Variants in PACRGL observed in about 807,000 individuals in gnomAD.
PACRGL encodes the protein parkin coregulated like, also known as PACRG-like protein.
A neutral mutation model predicts 34.5 loss-of-function variants in PACRGL; 38 were observed. That is an observed-to-expected ratio of 1.10 (90% CI 0.85 to 1.44). PACRGL has a LOEUF of 1.44. Among genes scored for constraint, PACRGL ranks in the 40% most tolerant of loss-of-function variants. The pLI is 0.00. For missense variants in PACRGL, 305 were observed against 281.4 expected (o/e 1.08, Z -0.60); for synonymous variants, 128 against 100.1 (o/e 1.28, Z -1.66).
At chr4:20,740,207 A>C (rs1264545368) in intron 8 of PACRGL, among the ~76,000 whole-genome samples, 1 of 152,156 alleles carries the variant, frequency 6.6e-6, no homozygotes, top group African/African-American at 2.4e-5. Flanking sequence ...AAGTCAGGCC[A>C]ACATTCAAAT....
At chr4:20,736,694 A>G (rs1351444685), downstream of PACRGL, among the ~76,000 whole-genome samples, 1 of 152,226 alleles carries the variant, frequency 6.6e-6, no homozygotes, top group Non-Finnish European at 1.5e-5. Context: ...GCTTTTAAGC[A>G]TGATACTTAC....
At chr4:20,723,632 A>G (rs962350702) in intron 7 of PACRGL, among the ~76,000 whole-genome samples, 15 of 152,172 alleles carry the variant, frequency 9.9e-5, no homozygotes, top group Non-Finnish European at 1.9e-4. Context: ...AAAAGACCAG[A>G]TTAACAGTTG....
rs2288308 is a variant in PACRGL, at chr4:20,729,424, T to C, written c.*2083T>C. 49,784 of 152,294 alleles carry C rather than the reference T, an allele frequency of 0.33. 8,597 individuals are homozygous for C. Among genetic ancestry groups the C allele is most frequent in the African/African-American group, 0.43 (17,955 of 41,400 alleles). The allele number at this position is 152,294 out of a possible 1,614,324, so 9.4% of individuals were successfully genotyped here. A position where few individuals can be genotyped will look rare whatever the true frequency, so the allele number is the denominator to read the frequency against. ...TAACATATTATGGAAAATTAAATGC[T>C]TATTAAAATAAGTTTTATTAGGCAT... On this transcript the variant is annotated 3_prime_UTR_variant, in exon 9 of 9. Coordinates refer to ENST00000503585, the MANE Select transcript of PACRGL (RefSeq NM_001258345.3).
chr4:20,746,014 A>G (rs534325219), intron 8 of PACRGL, among the ~76,000 whole-genome samples: 52 of 152,342 alleles, frequency 3.4e-4, no homozygotes, highest in Non-Finnish European at 6.0e-4. Flanking sequence ...TGACACAGCC[A>G]TCCCATTACT....
rs1409469738 is a variant in PACRGL at position 20,729,829 on chromosome 4, A to ATTACT, written c.*2491_*2495dup. On this transcript the variant is annotated 3_prime_UTR_variant, in exon 9 of 9. Coordinates refer to ENST00000503585, the MANE Select transcript of PACRGL (RefSeq NM_001258345.3). ...CCAATAAAACTATATGCCAGATTCT[A>ATTACT]TTACTTTTGAATATTCACAGAGTAT... is the stretch of plus-strand genomic sequence containing the variant. 4.6e-5 allele frequency: 17 copies of ATTACT among 365,746 alleles called. No individual in the cohort carries two copies. Among genetic ancestry groups the ATTACT allele is most frequent in the Non-Finnish European group, 4.9e-6 (1 of 204,728 alleles). The allele number at this position is 365,746 out of a possible 1,614,324, so 22.7% of individuals were successfully genotyped here.
downstream of PACRGL, among the ~76,000 whole-genome samples, chr4:20,754,828 A>G (rs1324253988): frequency 1.3e-5 from 2 of 152,094 alleles, no homozygotes; most frequent in East Asian, 1.9e-4. Context: ...GTGGAGCTCT[A>G]TCCAAGTTTT....
At chr4:20,764,998 A>G in the PACRGL span, among the ~76,000 whole-genome samples, 1 of 152,226 alleles carries the variant, frequency 6.6e-6, no homozygotes. Flanking sequence ...CATGAGGACA[A>G]TGAGCTTGGA....
At position 20,729,081 on chromosome 4, in the gene PACRGL, T is replaced by A. The variant is rs1045185182; in HGVS notation, c.*1740T>A. ...CTTGCTAATTTTGCTTGCTGTTTGT[T>A]CTTAGTAGACAGTGGGGTAGTCAAG... On this transcript the variant is annotated 3_prime_UTR_variant, in exon 9 of 9. Coordinates refer to ENST00000503585, the MANE Select transcript of PACRGL (RefSeq NM_001258345.3). 1 of 152,062 alleles carries A rather than the reference T, an allele frequency of 6.6e-6. No homozygotes were observed. The highest frequency in any genetic ancestry group is 1.5e-5 in the Non-Finnish European group (1 of 68,012). 9.4% of individuals were successfully genotyped at this position (152,062 alleles called of 1,614,324 possible). A position where few individuals can be genotyped will look rare whatever the true frequency, so the allele number is the denominator to read the frequency against.
chr4:20,730,114 G>T lies in PACRGL; in HGVS notation c.*2773G>T. 1.2e-6 allele frequency: 2 copies of T among 1,607,830 alleles called. No homozygotes were observed. Among genetic ancestry groups the T allele is most frequent in the Non-Finnish European group, 1.7e-6 (2 of 1,177,774 alleles). ...ACATTTTCAAAGAGCTGCATGGAGC[G>T]CATTATGTTTTCATCCTGTAAGGGA... On this transcript the variant is annotated 3_prime_UTR_variant, in exon 9 of 9. Coordinates refer to ENST00000503585, the MANE Select transcript of PACRGL (RefSeq NM_001258345.3).
chr4:20,734,805 G>A (rs192139659), downstream of PACRGL: 212 of 685,854 alleles, frequency 3.1e-4, 3 homozygotes, highest in Admixed American at 5.7e-3. Flanking sequence ...AACAAATGAT[G>A]TAAGTAAGGG....
At chr4:20,721,751 CAGTT>C (rs1409683096) in intron 7 of PACRGL, among the ~76,000 whole-genome samples, 7 of 152,144 alleles carry the variant, frequency 4.6e-5, no homozygotes, top group African/African-American at 7.2e-5. Context: ...GGGTGCCTCT[CAGTT>C]AGGCTACTCA....
rs956435416 is a variant in PACRGL at position 20,728,909 on chromosome 4, T to G, written c.*1568T>G. On this transcript the variant is annotated 3_prime_UTR_variant, in exon 9 of 9. Transcript: ENST00000503585. Reference sequence around the variant, plus strand: ...TTAGTAATGTGGCAACTTTACAGTTTTGGCTAAGATGATTAAAAATAATCT... The same window carrying G: ...TTAGTAATGTGGCAACTTTACAGTTGTGGCTAAGATGATTAAAAATAATCT... 8.7e-5 allele frequency: 12 copies of G among 137,308 alleles called. No homozygotes were observed. Among genetic ancestry groups the G allele is most frequent in the African/African-American group, 3.5e-4 (12 of 34,460 alleles). The allele number at this position is 137,308 out of a possible 1,614,324, so 8.5% of individuals were successfully genotyped here. A position where few individuals can be genotyped will look rare whatever the true frequency, so the allele number is the denominator to read the frequency against.
rs891441557 is a variant in PACRGL, at chr4:20,730,137, G to A, written c.*2796G>A. 8.1e-6 allele frequency: 13 copies of A among 1,603,162 alleles called. No homozygotes were observed. Among genetic ancestry groups the A allele is most frequent in the Admixed American group, 7.0e-5 (4 of 57,540 alleles). ...GCGCATTATGTTTTCATCCTGTAAG[G>A]GAGAAACACAGAGCGATTAAATTCA... is the stretch of plus-strand genomic sequence containing the variant. On this transcript the variant is annotated 3_prime_UTR_variant, in exon 9 of 9. Transcript: ENST00000503585.
the PACRGL span, among the ~76,000 whole-genome samples, chr4:20,762,307 C>T: frequency 6.6e-6 from 1 of 152,142 alleles, no homozygotes; most frequent in Non-Finnish European, 1.5e-5. Context: ...CCAAAGGCCC[C>T]ACCTCCTAAT....
chr4:20,734,986 C>A (rs1157476733), downstream of PACRGL, among the ~76,000 whole-genome samples: 2 of 152,104 alleles, frequency 1.3e-5, no homozygotes, highest in Admixed American at 1.3e-4. Context: ...CCAGTGCGTA[C>A]CCACACAGCT....
chr4:20,697,068 C>T (rs1296520917), upstream of PACRGL, among the ~76,000 whole-genome samples: 2 of 152,154 alleles, frequency 1.3e-5, no homozygotes, highest in African/African-American at 4.8e-5. Flanking sequence ...GACAATGCTA[C>T]CTTATATGCT....
intron 3 of PACRGL, among the ~76,000 whole-genome samples, chr4:20,707,020 A>C (rs1380025273): frequency 6.6e-6 from 1 of 152,228 alleles, no homozygotes; most frequent in Admixed American, 6.5e-5. Flanking sequence ...TGACTTAAAA[A>C]AAATTATCTA....
chr4:20,744,827 G>A (rs10084802), intron 8 of PACRGL, among the ~76,000 whole-genome samples: 53,673 of 151,950 alleles, frequency 0.35, 9,953 homozygotes, highest in African/African-American at 0.44. Context: ...GTGGACTTGT[G>A]TTGTTTGCCT....
chr4:20,731,280 C>T lies in PACRGL; in HGVS notation c.*3939C>T, dbSNP rs1158285347. On this transcript the variant is annotated 3_prime_UTR_variant, in exon 9 of 9. Transcript: ENST00000503585. ...AGATAGATAGGGTCTTGCTATGTTGCCCACATTGGACTCAAAATCCTGGCC... is the reference window on the plus strand; with the variant it reads ...AGATAGATAGGGTCTTGCTATGTTGTCCACATTGGACTCAAAATCCTGGCC... 2.0e-6 allele frequency: 1 copy of T among 504,540 alleles called. No homozygotes were observed. The highest frequency in any genetic ancestry group is 2.6e-6 in the Non-Finnish European group (1 of 390,656). 31.3% of individuals were successfully genotyped at this position (504,540 alleles called of 1,614,324 possible). A position where few individuals can be genotyped will look rare whatever the true frequency, so the allele number is the denominator to read the frequency against.
Sources: allele counts gnomAD v4.1 joint callset (sites outside exome capture counted in the v4.1 genomes callset), GRCh38; gene constraint gnomAD v4.1.1; transcripts MANE v1.5; gene names NCBI Gene and HGNC (gene_info 2026-07-23, HGNC 2026-07-21).